Variants in PRR16 observed in about 807,000 individuals in gnomAD.
PRR16 encodes protein Largen.
A neutral mutation model predicts 18.2 loss-of-function variants in PRR16; 6 were observed. The ratio of observed to expected loss-of-function variants is 0.33; its 90% CI spans 0.18 to 0.65. PRR16 has a LOEUF of 0.65. Among genes scored for constraint, PRR16 ranks in the 30% least tolerant of loss-of-function variants. The pLI, the probability that PRR16 is intolerant of heterozygous loss-of-function variation, is 0.74. For missense variants in PRR16, 412 were observed against 376.6 expected, an observed-to-expected ratio of 1.09 and a Z score of -0.78; for synonymous variants, 151 against 147.8, an observed-to-expected ratio of 1.02 and a Z score of -0.16.
the PRR16 span, among the ~76,000 whole-genome samples, chr5:120,786,646 A>G: frequency 6.6e-6 from 1 of 150,876 alleles, no homozygotes; most frequent in Non-Finnish European, 1.5e-5. Flanking sequence ...AGAAAATTAT[A>G]AAAATTTTAC....
At chr5:120,762,795 G>C in the PRR16 span, among the ~76,000 whole-genome samples, 1 of 152,084 alleles carries the variant, frequency 6.6e-6, no homozygotes. Context: ...ACTTTCATTA[G>C]TCTATTTCTG....
the PRR16 span, among the ~76,000 whole-genome samples, chr5:120,721,637 A>G: frequency 6.6e-6 from 1 of 152,076 alleles, no homozygotes; most frequent in Non-Finnish European, 1.5e-5. Flanking sequence ...GAAGGAAGCC[A>G]TGTTATATGG....
chr5:120,627,591 A>G (rs1047931938), intron 1 of PRR16, among the ~76,000 whole-genome samples: 18 of 152,098 alleles, frequency 1.2e-4, no homozygotes, highest in Non-Finnish European at 1.8e-4. Flanking sequence ...TCCTGAATGC[A>G]TCATTTTTCA....
chr5:120,606,119 C>T (rs553919299), intron 1 of PRR16, among the ~76,000 whole-genome samples: 6 of 152,244 alleles, frequency 3.9e-5, no homozygotes, highest in South Asian at 2.1e-4. Context: ...GTCATGGGCA[C>T]GTGTGTGCTG....
chr5:120,790,235 T>C, the PRR16 span: 1 of 151,860 alleles, frequency 6.6e-6, no homozygotes, highest in Non-Finnish European at 1.5e-5. Flanking sequence ...GAAGATAAAA[T>C]AAATAAATGG....
intron 1 of PRR16, among the ~76,000 whole-genome samples, chr5:120,594,635 A>G (rs1342267316): frequency 6.6e-6 from 1 of 152,126 alleles, no homozygotes; most frequent in African/African-American, 2.4e-5. Context: ...ACAGAGCAAG[A>G]GCCCTAATAC....
At chr5:120,539,184 C>A (rs1048570366) in intron 1 of PRR16, among the ~76,000 whole-genome samples, 29 of 151,338 alleles carry the variant, frequency 1.9e-4, no homozygotes, top group African/African-American at 6.8e-4. Flanking sequence ...TTGAAGAATG[C>A]TAGGTTTTTA....
At chr5:120,650,150 G>A (rs1370198391) in intron 1 of PRR16, among the ~76,000 whole-genome samples, 1 of 151,338 alleles carries the variant, frequency 6.6e-6, no homozygotes, top group African/African-American at 2.4e-5. Context: ...CCCGGAAGTG[G>A]AGGTTGCAGT....
At chr5:120,494,656 C>T (rs1278062689) in intron 1 of PRR16, among the ~76,000 whole-genome samples, 1 of 152,082 alleles carries the variant, frequency 6.6e-6, no homozygotes, top group East Asian at 1.9e-4. Context: ...ATGAATCAGG[C>T]TATTGGTGTT....
chr5:120,769,650 G>T, the PRR16 span, among the ~76,000 whole-genome samples: 5 of 151,532 alleles, frequency 3.3e-5, no homozygotes, highest in East Asian at 7.7e-4. Context: ...TGGTTATTGC[G>T]ACTAAAGCTG....
the PRR16 span, among the ~76,000 whole-genome samples, chr5:120,736,894 T>A: frequency 0.83 from 125,505 of 151,970 alleles, 53,460 homozygotes; most frequent in East Asian, 0.94. Flanking sequence ...TGTTGATCAT[T>A]ATCAGTGAAC....
intron 1 of PRR16, among the ~76,000 whole-genome samples, chr5:120,572,040 A>G (rs1752924040): frequency 6.6e-6 from 1 of 152,132 alleles, no homozygotes; most frequent in Non-Finnish European, 1.5e-5. Flanking sequence ...GACTACAAGA[A>G]CAAGTATCCC....
At chr5:120,528,723 G>A (rs902652394) in intron 1 of PRR16, among the ~76,000 whole-genome samples, 7 of 152,226 alleles carry the variant, frequency 4.6e-5, no homozygotes, top group Admixed American at 4.6e-4. Flanking sequence ...CATGATGCAA[G>A]ACCATGTTTT....
At chr5:120,794,229 A>C in the PRR16 span, among the ~76,000 whole-genome samples, 9 of 152,258 alleles carry the variant, frequency 5.9e-5, no homozygotes, top group Non-Finnish European at 1.3e-4. Context: ...AGTATAAACT[A>C]TAAGAAAAAG....
At chr5:120,481,579 C>T (rs926397354) in intron 1 of PRR16, among the ~76,000 whole-genome samples, 7 of 151,990 alleles carry the variant, frequency 4.6e-5, no homozygotes, top group African/African-American at 1.4e-4. Flanking sequence ...ATTTTAATAA[C>T]GTTCCTTTTA....
chr5:120,566,450 T>G (rs1752741209), intron 1 of PRR16, among the ~76,000 whole-genome samples: 1 of 152,194 alleles, frequency 6.6e-6, no homozygotes, highest in African/African-American at 2.4e-5. Context: ...GCCATATACT[T>G]TTGAATCTTG....
At chr5:120,540,730 G>A (rs571651447) in intron 1 of PRR16, among the ~76,000 whole-genome samples, 2 of 152,184 alleles carry the variant, frequency 1.3e-5, no homozygotes, top group East Asian at 3.9e-4. Flanking sequence ...CATCACCAAG[G>A]TCTGATTGCA....
intron 1 of PRR16, among the ~76,000 whole-genome samples, chr5:120,501,830 C>A (rs1750464284): frequency 6.6e-6 from 1 of 151,526 alleles, no homozygotes; most frequent in South Asian, 2.1e-4. Context: ...GTGGCGGGTG[C>A]CTGTAGTCCC....
chr5:120,704,206 A>G, the PRR16 span, among the ~76,000 whole-genome samples: 1 of 152,196 alleles, frequency 6.6e-6, no homozygotes, highest in African/African-American at 2.4e-5. Flanking sequence ...GACAAAAGAC[A>G]CTTCTAGATT....
Sources: gnomAD v4.1 joint callset for allele counts (sites outside exome capture counted in the v4.1 genomes callset) on GRCh38, gnomAD v4.1.1 for gene constraint, MANE v1.5 for transcripts, NCBI Gene and HGNC (gene_info 2026-07-23, HGNC 2026-07-21) for gene names.